KLHL26: variants seen among roughly 807,000 people sequenced by gnomAD.
KLHL26 encodes the protein kelch like family member 26, also known as kelch-like protein 26.
A neutral mutation model predicts 7.1 loss-of-function variants in KLHL26; 4 were observed. The ratio of observed to expected loss-of-function variants is 0.56; its 90% CI spans 0.28 to 1.28. The LOEUF is 1.28. Ranked by LOEUF, KLHL26 falls within the 50% of genes most tolerant of loss-of-function variation. The probability of loss-of-function intolerance (pLI) is 0.11; values close to 1 mark genes in which losing one functional copy is unlikely to be tolerated. For synonymous variants in KLHL26, 465 were observed against 414.1 expected (o/e 1.12, Z -1.49); for missense variants, 896 against 924.6 (o/e 0.97, Z 0.40).
At chr19:18,651,585 G>C (rs1335594412) in intron 1 of KLHL26, among the ~76,000 whole-genome samples, 2 of 152,240 alleles carry the variant, frequency 1.3e-5, no homozygotes, top group Non-Finnish European at 2.9e-5. Flanking sequence ...TGTTGTCTTT[G>C]GAAGGTGCTG....
chr19:18,655,412 C>A (rs760232114), intron 1 of KLHL26, among the ~76,000 whole-genome samples: 2 of 152,202 alleles, frequency 1.3e-5, no homozygotes, highest in Admixed American at 6.5e-5. Flanking sequence ...GACCAGCACC[C>A]GTGTGTTGGC....
chr19:18,640,833 C>T (rs1409771654), intron 1 of KLHL26, among the ~76,000 whole-genome samples: 2 of 152,088 alleles, frequency 1.3e-5, no homozygotes, highest in Non-Finnish European at 2.9e-5. Context: ...GCCACTGAGA[C>T]TGGCCATGTT....
Position 18,669,540 on chromosome 19 carries a change from G to A in KLHL26, c.*295G>A, listed in dbSNP as rs1301215803. 5.3e-6 allele frequency: 3 copies of A among 561,356 alleles called. No homozygotes were observed. The highest frequency in any genetic ancestry group is 1.9e-5 in the African/African-American group (1 of 52,952). The allele number at this position is 561,356 out of a possible 1,614,324, so 34.8% of individuals were successfully genotyped here. ...GCCCCCGAGTCCCCACGGGCTGGCGGGTGGAATCCCAGGTCTCCAGGGGGT... is the reference window on the plus strand; with the variant it reads ...GCCCCCGAGTCCCCACGGGCTGGCGAGTGGAATCCCAGGTCTCCAGGGGGT... On this transcript the variant is annotated 3_prime_UTR_variant, in exon 3 of 3. Coordinates refer to ENST00000300976, the MANE Select transcript of KLHL26 (RefSeq NM_018316.3).
rs776182397 is a variant in KLHL26, at chr19:18,668,418, T to C, written c.1021T>C (p.Phe341Leu). ...YQLPEPGARH[F>L]RELTEMEVGC... ...GCTGCCTGAGCCGGGAGCCCGCCAC[T>C]TCCGCGAGCTCACGGAGATGGAGGT... is the stretch of plus-strand genomic sequence containing the variant. The change falls in exon 3 of 3, where the codon TTC becomes CTC. Residue 341 changes from phenylalanine to leucine, a missense_variant. Coordinates refer to ENST00000300976, the MANE Select transcript of KLHL26 (RefSeq NM_018316.3). 2 of 1,610,990 alleles carry C rather than the reference T, an allele frequency of 1.2e-6. No homozygotes were observed. The highest frequency in any genetic ancestry group is 4.5e-5 in the East Asian group (2 of 44,870).
intron 2 of KLHL26, among the ~76,000 whole-genome samples, chr19:18,665,472 C>T (rs2052438537): frequency 6.6e-6 from 1 of 152,250 alleles, no homozygotes; most frequent in African/African-American, 2.4e-5. Flanking sequence ...CCCCTCAGGA[C>T]ACCTGGAGCA....
chr19:18,638,825 T>A (rs1976662940), intron 1 of KLHL26, among the ~76,000 whole-genome samples: 1 of 152,096 alleles, frequency 6.6e-6, no homozygotes, highest in Non-Finnish European at 1.5e-5. Flanking sequence ...CTCAGCCTCC[T>A]GAGTAGCTGG....
rs1245236187 is a variant in KLHL26, at chr19:18,671,365, CA to C, written c.*2121del. 1 of 152,260 alleles carries C rather than the reference CA, an allele frequency of 6.6e-6. No individual in the cohort carries two copies. Among genetic ancestry groups the C allele is most frequent in the Non-Finnish European group, 1.5e-5 (1 of 68,082 alleles). The allele number at this position is 152,260 out of a possible 1,614,324, so 9.4% of individuals were successfully genotyped here. Reference sequence around the variant, plus strand: ...AAAGCCGAGTTCCCTGGGGACTTACCAGAACATTCCAGCCCCACCCCCGACC... The same window carrying C: ...AAAGCCGAGTTCCCTGGGGACTTACCGAACATTCCAGCCCCACCCCCGACC... On this transcript the variant is annotated 3_prime_UTR_variant, in exon 3 of 3. Transcript: ENST00000300976.
chr19:18,668,077 T>A lies in KLHL26; in HGVS notation c.680T>A (p.Phe227Tyr), dbSNP rs2052472562. 1 of 1,601,314 alleles carries A rather than the reference T, an allele frequency of 6.2e-7. No individual in the cohort carries two copies. Among genetic ancestry groups the A allele is most frequent in the Non-Finnish European group, 8.5e-7 (1 of 1,177,380 alleles). The stretch of plus-strand genomic sequence containing the variant: ...CAGAGCTGTGCCGAGATCGACCTGT[T>A]CCGCGCGGCCGTCCGCTGGCTGCAG... ...RLQSCAEIDLFRAAVRWLQHD... is the reference protein window; with the variant it reads ...RLQSCAEIDLYRAAVRWLQHD... The change falls in exon 3 of 3, where the codon TTC becomes TAC. Residue 227 changes from phenylalanine (F) to tyrosine (Y), a missense_variant. By Grantham distance (22) the Phe-to-Tyr change is conservative. Coordinates refer to ENST00000300976, the MANE Select transcript of KLHL26 (RefSeq NM_018316.3).
intron 1 of KLHL26, among the ~76,000 whole-genome samples, chr19:18,640,616 G>A (rs1976697552): frequency 1.5e-5 from 2 of 129,204 alleles, no homozygotes; most frequent in Admixed American, 9.8e-5. Flanking sequence ...GTTGTTCACT[G>A]CAACCTCTGT....
chr19:18,643,699 A>G (rs1180440347), intron 1 of KLHL26, among the ~76,000 whole-genome samples: 1 of 151,786 alleles, frequency 6.6e-6, no homozygotes, highest in Admixed American at 6.6e-5. Context: ...GCTGGTCTCG[A>G]ACTCCTGACC....
chr19:18,655,999 G>A (rs2052328846), intron 1 of KLHL26, among the ~76,000 whole-genome samples: 1 of 152,116 alleles, frequency 6.6e-6, no homozygotes, highest in Non-Finnish European at 1.5e-5. Context: ...GTGGCCACAC[G>A]TATCCATCAT....
chr19:18,663,261 G>T (rs2052409986), intron 1 of KLHL26, among the ~76,000 whole-genome samples: 1 of 152,192 alleles, frequency 6.6e-6, no homozygotes, highest in Non-Finnish European at 1.5e-5. Flanking sequence ...TCAGCGCCTG[G>T]CCCTGAAGCC....
rs1976852270 is a variant in KLHL26, at chr19:18,648,968, A to G, written c.83+11831A>G. ...CTCACTCCCCTGCCGGCCACCTGCC[A>G]GTGGCTCCCTCACTCTCAGAACAAA... On this transcript the variant is annotated intron_variant, in intron 1 of 2. Transcript: ENST00000300976. The surrounding 1 kb of genome is among the most constrained non-coding windows in gnomAD (Gnocchi z 4.9). Among the ~76,000 whole-genome samples the G allele has an allele frequency of 6.6e-6, 1 of 152,154 alleles. No homozygotes were observed. Among genetic ancestry groups the G allele is most frequent in the South Asian group, 2.1e-4 (1 of 4,824 alleles).
intron 1 of KLHL26, among the ~76,000 whole-genome samples, chr19:18,658,912 T>C (rs1373910836): frequency 1.3e-5 from 2 of 151,432 alleles, no homozygotes. Flanking sequence ...CCCCTCTCTC[T>C]GGGTCTCTGT....
chr19:18,643,068 G>A (rs749731960), intron 1 of KLHL26, among the ~76,000 whole-genome samples: 1 of 150,960 alleles, frequency 6.6e-6, no homozygotes, highest in South Asian at 2.1e-4. Flanking sequence ...TCCTGACCTC[G>A]TGATCCACCT....
At position 18,667,649 on chromosome 19, in the gene KLHL26, G is replaced by A. The variant is rs2052463499; in HGVS notation, c.267-15G>A. On this transcript the variant is annotated splice_polypyrimidine_tract_variant and intron_variant, in intron 2 of 2. Transcript: ENST00000300976. ...TCAGCCACTGCCAGCCACACGTTGTGTTTCTGCCCTTCAGGGCCATGTTCA... is the reference window on the plus strand; with the variant it reads ...TCAGCCACTGCCAGCCACACGTTGTATTTCTGCCCTTCAGGGCCATGTTCA... 4 of 1,601,730 alleles carry A rather than the reference G, an allele frequency of 2.5e-6. No homozygotes were observed. Among genetic ancestry groups the A allele is most frequent in the Non-Finnish European group, 1.7e-6 (2 of 1,173,266 alleles).
chr19:18,639,901 C>T (rs748344442), intron 1 of KLHL26, among the ~76,000 whole-genome samples: 5 of 151,988 alleles, frequency 3.3e-5, no homozygotes, highest in East Asian at 1.9e-4. Context: ...CTAGAAATTT[C>T]GTAAGAATGG....
In KLHL26 at chr19:18,655,090, G is replaced by C. The variant is rs8101972; in HGVS notation, c.84-9171G>C. ...CAAAAATGGCCCAGGTGGGGATCAG[G>C]GAGGTGGGGTGGCTGATGAGCCGTA... On this transcript the variant is annotated intron_variant, in intron 1 of 2. Coordinates refer to ENST00000300976, the MANE Select transcript of KLHL26 (RefSeq NM_018316.3). Among the ~76,000 whole-genome samples the C allele has an allele frequency of 3.8e-3, 577 of 152,332 alleles. 4 individuals carry two copies. The highest frequency in any genetic ancestry group is 0.013 in the African/African-American group (553 of 41,568).
intron 1 of KLHL26, among the ~76,000 whole-genome samples, chr19:18,642,099 T>C (rs181494313): frequency 6.6e-6 from 1 of 152,284 alleles, no homozygotes; most frequent in Non-Finnish European, 1.5e-5. Flanking sequence ...GGGAGATTGG[T>C]ACAAGACATT....
Sources: allele counts gnomAD v4.1 joint callset (sites outside exome capture counted in the v4.1 genomes callset), GRCh38; gene constraint gnomAD v4.1.1; non-coding constraint Gnocchi (gnomAD v3.1); transcripts MANE v1.5; gene names NCBI Gene and HGNC (gene_info 2026-07-23, HGNC 2026-07-21).